The following KIF17 variants were observed in gnomAD, a reference collection of about 807,000 sequenced individuals.
KIF17 encodes the protein kinesin family member 17, also known as kinesin-like protein KIF17.
Under a neutral mutation model 96.8 loss-of-function variants are expected in KIF17, and 80 were observed. The ratio of observed to expected loss-of-function variants is 0.83; its 90% CI spans 0.69 to 1.00. The LOEUF is 1.00. Ranked by LOEUF, KIF17 falls within the 50% of genes least tolerant of loss-of-function variation. KIF17 has a pLI of 0.00. For synonymous variants in KIF17, 567 were observed against 587.5 expected (o/e 0.97, Z 0.51); for missense variants, 1,280 against 1,372.9 (o/e 0.93, Z 1.07).
chr1:20,668,241 C>G (rs1482624356), intron 13 of KIF17, among the ~76,000 whole-genome samples: 1 of 151,420 alleles, frequency 6.6e-6, no homozygotes, highest in Non-Finnish European at 1.5e-5. Flanking sequence ...ACCTGGGAGG[C>G]GGAGCTTGCC....
At chr1:20,666,478 GGT>G in intron 13 of KIF17, 147 bp from the exon 14 acceptor site, 2 of 770,366 alleles carry the variant, frequency 2.6e-6, no homozygotes, top group Non-Finnish European at 4.7e-6. Context: ...TGCCCACTCT[GGT>G]GTACCCTACA....
chr1:20,686,232 AC>A, intron 8 of KIF17, 106 bp from the exon 9 acceptor site: 5 of 842,334 alleles, frequency 5.9e-6, no homozygotes, highest in Admixed American at 2.0e-5. Flanking sequence ...GCCTCCCACC[AC>A]CCCCCAACCT....
At chr1:20,713,955 G>T (rs980159618) in intron 2 of KIF17, among the ~76,000 whole-genome samples, 2 of 152,150 alleles carry the variant, frequency 1.3e-5, no homozygotes, top group East Asian at 1.9e-4. Flanking sequence ...CGGAGGCCTA[G>T]GTGGTTGGAT....
Position 20,698,360 on chromosome 1 carries a change from C to A in KIF17, c.1233+19G>T. On this transcript the variant is annotated intron_variant, in intron 6 of 14. Coordinates refer to ENST00000400463, the MANE Select transcript of KIF17 (RefSeq NM_001122819.3). ...ACCTGCCTGTCCCTTCTCCATGTTC[C>A]CACCCGCTTGGGTCTCACCTCCCGG... 6.3e-7 allele frequency: 1 copy of A among 1,584,070 alleles called. No individual in the cohort carries two copies. Among genetic ancestry groups the A allele is most frequent in the South Asian group, 1.1e-5 (1 of 90,442 alleles).
At position 20,685,869 on chromosome 1, in the gene KIF17, G is replaced by T. The variant is rs924448032; in HGVS notation, c.2019+177C>A. On this transcript the variant is annotated intron_variant, in intron 9 of 14. Transcript: ENST00000400463. This position sits in a 1 kb window ranked among gnomAD's most constrained non-coding sequence, Gnocchi z 4.1. Reference sequence around the variant, plus strand: ...TTCACTCCATAAGAAGAAGATGATGGTTCCTCCCACTGCACACTGCCTGGC... The same window carrying T: ...TTCACTCCATAAGAAGAAGATGATGTTTCCTCCCACTGCACACTGCCTGGC... Among the ~76,000 whole-genome samples the T allele has an allele frequency of 6.6e-6, 1 of 152,224 alleles. No homozygotes were observed. Among genetic ancestry groups the T allele is most frequent in the African/African-American group, 2.4e-5 (1 of 41,458 alleles).
intron 4 of KIF17, among the ~76,000 whole-genome samples, chr1:20,705,697 C>T (rs542980174): frequency 3.9e-5 from 6 of 152,146 alleles, no homozygotes; most frequent in African/African-American, 1.4e-4. Context: ...TAATGTCTGC[C>T]GGGGTTCGTG....
chr1:20,669,292 C>T (rs1049511394), intron 13 of KIF17, among the ~76,000 whole-genome samples: 5 of 151,984 alleles, frequency 3.3e-5, no homozygotes, highest in Admixed American at 6.6e-5. Context: ...AATCCCAGCA[C>T]TTTGGAAGGC....
intron 13 of KIF17, 21 bp from the exon 14 acceptor site, chr1:20,666,352 G>T: frequency 6.4e-7 from 1 of 1,568,392 alleles, no homozygotes; most frequent in Non-Finnish European, 8.8e-7. Context: ...GCAGATGCCC[G>T]TGGTCACGTC....
intron 10 of KIF17, among the ~76,000 whole-genome samples, chr1:20,684,376 C>T (rs367810659): frequency 7.2e-5 from 11 of 152,334 alleles, no homozygotes; most frequent in African/African-American, 1.9e-4. Context: ...AAGTGAGAAC[C>T]GAGGCTCAGA....
intron 5 of KIF17, among the ~76,000 whole-genome samples, chr1:20,698,885 T>C (rs1326370764): frequency 1.3e-5 from 2 of 152,292 alleles, no homozygotes; most frequent in East Asian, 3.9e-4. Context: ...CGATGTGTAC[T>C]GAGAAGAAAA....
At chr1:20,698,250 G>A (rs521424) in intron 6 of KIF17, 129 bp downstream of exon 6, 295,565 of 707,986 alleles carry the variant, frequency 0.42, 64,297 homozygotes, top group African/African-American at 0.65. Flanking sequence ...TTGAGCTTCA[G>A]CTTTCTCAGG....
chr1:20,694,733 C>T (rs536421), intron 6 of KIF17, among the ~76,000 whole-genome samples: 4,468 of 152,286 alleles, frequency 0.029, 234 homozygotes, highest in African/African-American at 0.1. Context: ...TTTAGATACA[C>T]TTGAACCTCA....
chr1:20,666,369 T>C, intron 13 of KIF17, 38 bp from the exon 14 acceptor site: 1 of 1,512,880 alleles, frequency 6.6e-7, no homozygotes. Context: ...CGTCCCCTTG[T>C]TTGTGCCCCT....
rs887661085 is a variant in KIF17, at chr1:20,664,211, G to A, written c.*373C>T. The A allele has an allele frequency of 1.3e-5, 7 of 527,400 alleles. No individual in the cohort carries two copies. The highest frequency in any genetic ancestry group is 2.0e-5 in the Non-Finnish European group (7 of 346,724). The allele number at this position is 527,400 out of a possible 1,614,324, so 32.7% of individuals were successfully genotyped here. ...CCAGCTGATATTGAGCTTCCTCCAC[G>A]TGGCAGCTGCTGCCCTCTCCATCAG... is the stretch of plus-strand genomic sequence containing the variant. On this transcript the variant is annotated 3_prime_UTR_variant, in exon 15 of 15. Transcript: ENST00000400463.
intron 6 of KIF17, chr1:20,693,831 G>C (rs2054085533): frequency 6.6e-6 from 1 of 152,114 alleles, no homozygotes; most frequent in Non-Finnish European, 1.5e-5. Flanking sequence ...GGGTGTGAAT[G>C]GTGTGTGAGC....
chr1:20,671,914 G>A, intron 12 of KIF17, 24 bp downstream of exon 12: 3 of 1,609,176 alleles, frequency 1.9e-6, no homozygotes, highest in Non-Finnish European at 2.5e-6. Flanking sequence ...GGAGGGGAGG[G>A]CAAGGGCCAG....
At chr1:20,701,795 G>T (rs922691806) in intron 5 of KIF17, among the ~76,000 whole-genome samples, 4 of 152,222 alleles carry the variant, frequency 2.6e-5, no homozygotes, top group Non-Finnish European at 5.9e-5. Context: ...GAGGCCATCG[G>T]TGACAAGGAC....
At chr1:20,695,461 T>C (rs1286800053) in intron 6 of KIF17, among the ~76,000 whole-genome samples, 1 of 152,170 alleles carries the variant, frequency 6.6e-6, no homozygotes, top group East Asian at 1.9e-4. Flanking sequence ...AGTGCTGGGA[T>C]TACAGGCATG....
intron 2 of KIF17, 26 bp downstream of exon 2, chr1:20,715,467 G>A (rs752904179): frequency 1.2e-6 from 2 of 1,608,658 alleles, no homozygotes; most frequent in East Asian, 4.5e-5. Context: ...CTCTGGCCCT[G>A]CCCCTTCCCT....
Sources: gnomAD v4.1 joint callset for allele counts (sites outside exome capture counted in the v4.1 genomes callset) on GRCh38, gnomAD v4.1.1 for gene constraint, Gnocchi (gnomAD v3.1) non-coding constraint, MANE v1.5 for transcripts, NCBI Gene and HGNC (gene_info 2026-07-23, HGNC 2026-07-21) for gene names.